The following CRB1 variants were observed in gnomAD, a reference collection of about 807,000 sequenced individuals.
CRB1 encodes the protein crumbs cell polarity complex component 1, also known as protein crumbs homolog 1.
A neutral mutation model predicts 120.0 loss-of-function variants in CRB1; 83 were observed. That is an observed-to-expected ratio of 0.69 (90% confidence interval 0.58 to 0.83). CRB1 has a LOEUF of 0.83. Ranked by LOEUF, CRB1 falls within the 40% of genes least tolerant of loss-of-function variation. The pLI is 0.00. For synonymous variants in CRB1, 625 were observed against 612.5 expected, an observed-to-expected ratio of 1.02 and a Z score of -0.30; for missense variants, 1,699 against 1,687.6, an observed-to-expected ratio of 1.01 and a Z score of -0.12.
At chr1:197,255,965 T>TTATATATATATGTA in the CRB1 span, among the ~76,000 whole-genome samples, 1 of 85,336 alleles carries the variant, frequency 1.2e-5, no homozygotes, top group African/African-American at 3.5e-5. Context: ...ATAGAACATT[T>TTATATATATATGTA]TATATATATA....
At chr1:197,458,750 A>G (rs1486153559) in intron 11 of CRB1, among the ~76,000 whole-genome samples, 1 of 152,180 alleles carries the variant, frequency 6.6e-6, no homozygotes, top group Non-Finnish European at 1.5e-5. Flanking sequence ...GAAGGAGAGC[A>G]GGGAATCTGT....
At chr1:197,384,080 C>T (rs551562378) in intron 5 of CRB1, among the ~76,000 whole-genome samples, 15 of 152,248 alleles carry the variant, frequency 9.9e-5, no homozygotes, top group African/African-American at 3.6e-4. Context: ...TACCAACATC[C>T]TTAAGTTAGA....
At chr1:197,430,243 A>C (rs927308991) in intron 8 of CRB1, among the ~76,000 whole-genome samples, 1 of 152,188 alleles carries the variant, frequency 6.6e-6, no homozygotes, top group African/African-American at 2.4e-5. Context: ...CCCACTAACT[A>C]TACTGTTATT....
chr1:197,353,859 C>T (rs1412393920), intron 4 of CRB1, among the ~76,000 whole-genome samples: 9 of 140,480 alleles, frequency 6.4e-5, no homozygotes, highest in Non-Finnish European at 1.1e-4. Flanking sequence ...TCTTTTACCA[C>T]GTTACAAAAC....
At chr1:197,360,482 G>C (rs984442592) in intron 5 of CRB1, 2 of 152,202 alleles carry the variant, frequency 1.3e-5, no homozygotes, top group African/African-American at 2.4e-5. Flanking sequence ...TTCTCTATGT[G>C]AGTAAAGCAT....
At chr1:197,428,881 C>T in intron 7 of CRB1, 1 of 1,319,820 alleles carries the variant, frequency 7.6e-7, no homozygotes, top group Non-Finnish European at 1.0e-6. Context: ...AGTTCATGCT[C>T]TAATAAATTT....
At chr1:197,218,961 G>A in the CRB1 span, among the ~76,000 whole-genome samples, 2 of 152,148 alleles carry the variant, frequency 1.3e-5, no homozygotes, top group African/African-American at 4.8e-5. Context: ...CAGTGGAAAG[G>A]CTTGATGGGG....
intron 1 of CRB1, among the ~76,000 whole-genome samples, chr1:197,297,457 A>T (rs658409): frequency 0.69 from 104,918 of 151,892 alleles, 36,445 homozygotes; most frequent in East Asian, 0.92. Flanking sequence ...ACTTCCATCA[A>T]CTTTCTAGCT....
chr1:197,219,003 G>A, the CRB1 span, among the ~76,000 whole-genome samples: 1 of 152,178 alleles, frequency 6.6e-6, no homozygotes. Context: ...GGCATAGACA[G>A]TAAGAGGACT....
At chr1:197,345,740 G>A (rs1338732398) in intron 3 of CRB1, among the ~76,000 whole-genome samples, 4 of 151,920 alleles carry the variant, frequency 2.6e-5, no homozygotes, top group Admixed American at 1.3e-4. Context: ...ACTCCTGACC[G>A]CAGGTGATCT....
Position 197,421,524 on chromosome 1 carries a change from G to A in CRB1, c.1696G>A (p.Glu566Lys), listed in dbSNP as rs767359805. 6.8e-6 allele frequency: 11 copies of A among 1,614,140 alleles called. 1 individual carries two copies. Among genetic ancestry groups the A allele is most frequent in the South Asian group, 3.3e-5 (3 of 91,090 alleles). ...CATTTCCCACAACACCAGCGATGGA[G>A]AGTGGCATTTCGTGGAGGTAATATT... ...LFISHNTSDG[E>K]WHFVEVIFAE... The change falls in exon 6 of 12, where the codon GAG (glutamate) becomes AAG (lysine). Residue 566 changes from glutamate to lysine, a missense_variant. Physicochemically the swap from Glu to Lys is moderately conservative, Grantham distance 56. Transcript: ENST00000367400.
chr1:197,375,154 C>A (rs1402243028), intron 5 of CRB1, among the ~76,000 whole-genome samples: 1 of 152,022 alleles, frequency 6.6e-6, no homozygotes, highest in Non-Finnish European at 1.5e-5. Flanking sequence ...TTAATTTTAC[C>A]CTGTTTATAA....
chr1:197,356,840 G>T lies in CRB1; in HGVS notation c.998G>T (p.Gly333Val). 1.2e-6 allele frequency: 2 copies of T among 1,614,112 alleles called. No homozygotes were observed. The highest frequency in any genetic ancestry group is 1.7e-6 in the Non-Finnish European group (2 of 1,180,010). The change falls in exon 5 of 12, where the codon GGT becomes GTT. Residue 333 changes from glycine (G) to valine (V), a missense_variant. Physicochemically the swap from Gly to Val is moderately radical, Grantham distance 109. Coordinates refer to ENST00000367400, the MANE Select transcript of CRB1 (RefSeq NM_201253.3). ...YTCHCWPGYT[G>V]AQCEIDLNEC... ...AATTTTCATCATGCAGGATACACAGGTGCCCAGTGTGAGATCGACCTCAAT... is the reference window on the plus strand; with the variant it reads ...AATTTTCATCATGCAGGATACACAGTTGCCCAGTGTGAGATCGACCTCAAT...
At chr1:197,397,890 C>T (rs116051928) in intron 5 of CRB1, among the ~76,000 whole-genome samples, 529 of 152,132 alleles carry the variant, frequency 3.5e-3, no homozygotes, top group African/African-American at 0.012. Flanking sequence ...TGGTGGTAGT[C>T]GCACAGTGTA....
intron 11 of CRB1, among the ~76,000 whole-genome samples, chr1:197,472,111 C>T (rs16829908): frequency 1.3e-5 from 2 of 152,126 alleles, no homozygotes; most frequent in African/African-American, 2.4e-5. Context: ...TTTGATGTAA[C>T]ACTAAATACA....
At chr1:197,364,010 G>A in intron 5 of CRB1, 3 of 1,385,906 alleles carry the variant, frequency 2.2e-6, no homozygotes, top group Non-Finnish European at 3.1e-6. Context: ...CGGATCTACA[G>A]TATGGAAATG....
intron 5 of CRB1, among the ~76,000 whole-genome samples, chr1:197,374,312 C>T (rs1035117556): frequency 2.0e-5 from 3 of 152,058 alleles, no homozygotes; most frequent in Admixed American, 6.6e-5. Context: ...GGGAGATTAG[C>T]CTATGGGAGT....
chr1:197,266,049 G>T (rs1654623535), upstream of CRB1, among the ~76,000 whole-genome samples: 1 of 152,044 alleles, frequency 6.6e-6, no homozygotes, highest in African/African-American at 2.4e-5. Context: ...CTATGTTTCT[G>T]CAATATCAGA....
chr1:197,324,067 G>A (rs1263435607), intron 1 of CRB1, among the ~76,000 whole-genome samples: 2 of 152,152 alleles, frequency 1.3e-5, no homozygotes, highest in Non-Finnish European at 2.9e-5. Flanking sequence ...TAGTAGAATA[G>A]GGATATTAAG....
Sources: gnomAD v4.1 joint callset for allele counts (sites outside exome capture counted in the v4.1 genomes callset) on GRCh38, gnomAD v4.1.1 for gene constraint, MANE v1.5 for transcripts, NCBI Gene and HGNC (gene_info 2026-07-23, HGNC 2026-07-21) for gene names.